Variants in PCCB observed in about 807,000 individuals in gnomAD.
PCCB encodes propionyl-CoA carboxylase subunit beta.
Under a neutral mutation model 60.7 loss-of-function variants are expected in PCCB, and 43 were observed. The observed-to-expected ratio is 0.71, with a 90% confidence interval of 0.55 to 0.91. PCCB has a LOEUF of 0.91. Ranked by LOEUF, PCCB falls within the 40% of genes least tolerant of loss-of-function variation. The pLI, the probability that PCCB is intolerant of heterozygous loss-of-function variation, is 0.00. For missense variants in PCCB, 766 were observed against 702.8 expected (o/e 1.09, Z -1.02); for synonymous variants, 276 against 255.9 (o/e 1.08, Z -0.75).
At chr3:136,326,093 T>C (rs1399940968) in intron 10 of PCCB, among the ~76,000 whole-genome samples, 1 of 152,242 alleles carries the variant, frequency 6.6e-6, no homozygotes, top group Non-Finnish European at 1.5e-5. Flanking sequence ...ATTACGGTCA[T>C]GAGCCACCGC....
At chr3:136,292,913 T>G (rs567127714) in intron 6 of PCCB, among the ~76,000 whole-genome samples, 1 of 152,336 alleles carries the variant, frequency 6.6e-6, no homozygotes, top group African/African-American at 2.4e-5. Flanking sequence ...CTCCTGTTCC[T>G]CTGTTTAAAT....
At chr3:136,320,418 A>T (rs973041080) in intron 10 of PCCB, among the ~76,000 whole-genome samples, 6 of 152,126 alleles carry the variant, frequency 3.9e-5, no homozygotes, top group Non-Finnish European at 8.8e-5. Flanking sequence ...TCTTTGGTTA[A>T]ATTTATTCCT....
intron 9 of PCCB, among the ~76,000 whole-genome samples, chr3:136,311,566 T>C (rs1022200777): frequency 6.6e-6 from 1 of 152,082 alleles, no homozygotes; most frequent in Non-Finnish European, 1.5e-5. Flanking sequence ...TCTCGAACTC[T>C]TGGGCTCAAG....
chr3:136,284,764 G>C (rs918314389), intron 6 of PCCB, among the ~76,000 whole-genome samples: 3 of 152,092 alleles, frequency 2.0e-5, no homozygotes, highest in African/African-American at 7.2e-5. Flanking sequence ...TAGTGTAAGT[G>C]TTCAACAATA....
At chr3:136,281,162 A>T (rs934486786) in intron 5 of PCCB, among the ~76,000 whole-genome samples, 2 of 151,502 alleles carry the variant, frequency 1.3e-5, no homozygotes, top group African/African-American at 4.9e-5. Context: ...ATGTATACTT[A>T]TGTCTTTCAT....
At chr3:136,287,435 T>C (rs1327030162) in intron 6 of PCCB, among the ~76,000 whole-genome samples, 8 of 151,370 alleles carry the variant, frequency 5.3e-5, no homozygotes, top group African/African-American at 2.0e-4. Context: ...GTTTGGTGTT[T>C]TTTGTTTTTT....
At chr3:136,270,516 T>C (rs1036743822) in intron 5 of PCCB, among the ~76,000 whole-genome samples, 11 of 151,370 alleles carry the variant, frequency 7.3e-5, no homozygotes, top group Admixed American at 3.3e-4. Context: ...TTTTTTTTTT[T>C]CCCGCTGTAG....
intron 9 of PCCB, among the ~76,000 whole-genome samples, chr3:136,312,801 A>C (rs941481715): frequency 2.6e-5 from 4 of 152,190 alleles, no homozygotes; most frequent in Admixed American, 6.5e-5. Context: ...AAAAAACTAT[A>C]AATAAAATCA....
In PCCB at chr3:136,262,049, A is replaced by G. The variant is rs1248950807; in HGVS notation, c.527A>G (p.Tyr176Cys). ...IQEGVESLAGYADIFLRNVTA... is the reference protein window; with the variant it reads ...IQEGVESLAGCADIFLRNVTA... Reference sequence around the variant, plus strand: ...GAAGGAGTGGAGTCTTTGGCTGGCTATGCAGACATCTTTCTGGTGAGAAAC... The same window carrying G: ...GAAGGAGTGGAGTCTTTGGCTGGCTGTGCAGACATCTTTCTGGTGAGAAAC... The change falls in exon 5 of 15, where the codon TAT becomes TGT. Residue 176 changes from tyrosine to cysteine, a missense_variant. By Grantham distance (194) the Tyr-to-Cys change is radical. Transcript: ENST00000251654. The G allele has an allele frequency of 1.4e-5, 22 of 1,552,804 alleles. No homozygotes were observed. In the East Asian group the frequency reaches 1.7e-4, roughly 12 times the overall value.
chr3:136,311,035 C>T (rs1343228895), intron 9 of PCCB, among the ~76,000 whole-genome samples: 2 of 152,050 alleles, frequency 1.3e-5, no homozygotes, highest in African/African-American at 4.8e-5. Context: ...CCATTATTCC[C>T]ATTATTATTT....
intron 9 of PCCB, among the ~76,000 whole-genome samples, chr3:136,310,320 G>A (rs961041873): frequency 2.6e-5 from 4 of 151,306 alleles, no homozygotes; most frequent in African/African-American, 7.3e-5. Flanking sequence ...CCAAGATCGT[G>A]CCATTGCACT....
At chr3:136,275,201 G>C (rs650505) in intron 5 of PCCB, among the ~76,000 whole-genome samples, 103,374 of 152,034 alleles carry the variant, frequency 0.68, 35,284 homozygotes, top group East Asian at 0.86. Context: ...TTCATTCTTT[G>C]ACTTGTTCTG....
At chr3:136,278,963 T>A (rs1341804512) in intron 5 of PCCB, among the ~76,000 whole-genome samples, 1 of 152,222 alleles carries the variant, frequency 6.6e-6, no homozygotes, top group Non-Finnish European at 1.5e-5. Flanking sequence ...ATTTTAGGGC[T>A]CTTGTTGCTT....
At chr3:136,265,321 CCACT>C (rs1414465974) in intron 5 of PCCB, among the ~76,000 whole-genome samples, 2 of 152,176 alleles carry the variant, frequency 1.3e-5, no homozygotes, top group African/African-American at 4.8e-5. Flanking sequence ...TTCAAACCTG[CCACT>C]CACTCCAAAA....
At chr3:136,295,974 GA>G (rs1404583221) in intron 7 of PCCB, among the ~76,000 whole-genome samples, 1 of 152,092 alleles carries the variant, frequency 6.6e-6, no homozygotes, top group Non-Finnish European at 1.5e-5. Flanking sequence ...TTCTGGGCCT[GA>G]GGCTCTTTGA....
intron 8 of PCCB, among the ~76,000 whole-genome samples, chr3:136,299,332 GCATACACA>G (rs1480520923): frequency 2.0e-5 from 3 of 151,792 alleles, no homozygotes; most frequent in Non-Finnish European, 4.4e-5. Context: ...ACATATTTGT[GCATACACA>G]CATACACATG....
intron 5 of PCCB, 89 bp from the exon 6 acceptor site, chr3:136,283,748 A>G (rs888230398): frequency 3.2e-5 from 30 of 949,434 alleles, no homozygotes; most frequent in Non-Finnish European, 4.4e-5. Context: ...AAAAAAGCCA[A>G]ATGTTATCTT....
chr3:136,253,509 T>C (rs1454985434), intron 1 of PCCB, among the ~76,000 whole-genome samples: 1 of 151,512 alleles, frequency 6.6e-6, no homozygotes, highest in African/African-American at 2.4e-5. Context: ...GTTAGCCTCT[T>C]GAGTAGCTGG....
At chr3:136,251,172 G>T in intron 1 of PCCB, 1 of 455,388 alleles carries the variant, frequency 2.2e-6, no homozygotes, top group Middle Eastern at 3.7e-4. Context: ...CTGGGAGTGC[G>T]CAGGCTACTC....
Sources: allele counts gnomAD v4.1 joint callset (sites outside exome capture counted in the v4.1 genomes callset), GRCh38; gene constraint gnomAD v4.1.1; transcripts MANE v1.5; gene names NCBI Gene and HGNC (gene_info 2026-07-23, HGNC 2026-07-21).